The following RIT2 variants were observed in gnomAD, a reference collection of about 807,000 sequenced individuals.
RIT2 encodes GTP-binding protein Rit2.
A neutral mutation model predicts 23.7 loss-of-function variants in RIT2; 24 were observed. The ratio of observed to expected loss-of-function variants is 1.01; its 90% confidence interval spans 0.73 to 1.43. The LOEUF is 1.43. Among genes scored for constraint, RIT2 ranks in the 40% most tolerant of loss-of-function variants. RIT2 has a pLI of 0.00. For synonymous variants in RIT2, 107 were observed against 91.1 expected, an observed-to-expected ratio of 1.17 and a Z score of -0.99; for missense variants, 236 against 266.9, an observed-to-expected ratio of 0.88 and a Z score of 0.81.
chr18:42,935,368 T>C (rs936353363), intron 3 of RIT2, among the ~76,000 whole-genome samples: 1 of 152,108 alleles, frequency 6.6e-6, no homozygotes, highest in Non-Finnish European at 1.5e-5. Flanking sequence ...GAATCCCCTA[T>C]ATCACTCTAC....
intron 2 of RIT2, among the ~76,000 whole-genome samples, chr18:42,992,291 C>T (rs1373470262): frequency 6.6e-6 from 1 of 152,128 alleles, no homozygotes; most frequent in Non-Finnish European, 1.5e-5. Flanking sequence ...TCCCAAATAG[C>T]CAGAAAACAG....
chr18:42,806,566 G>T (rs1398927018), intron 4 of RIT2, among the ~76,000 whole-genome samples: 18 of 152,164 alleles, frequency 1.2e-4, no homozygotes, highest in African/African-American at 4.3e-4. Flanking sequence ...GCAACTTGTG[G>T]CACTGCGTTG....
chr18:42,803,234 GTTAAA>G (rs1332801567), intron 4 of RIT2, among the ~76,000 whole-genome samples: 1 of 152,022 alleles, frequency 6.6e-6, no homozygotes, highest in Non-Finnish European at 1.5e-5. Flanking sequence ...GGCTTCTTTT[GTTAAA>G]TTAAACTGAA....
intron 4 of RIT2, among the ~76,000 whole-genome samples, chr18:42,787,841 T>G (rs995167515): frequency 1.3e-5 from 2 of 152,108 alleles, no homozygotes; most frequent in African/African-American, 4.8e-5. Context: ...TTGAGAATTC[T>G]CTGGATCTTT....
At chr18:42,944,082 CT>C (rs1330784927) in intron 3 of RIT2, among the ~76,000 whole-genome samples, 1 of 152,132 alleles carries the variant, frequency 6.6e-6, no homozygotes, top group African/African-American at 2.4e-5. Context: ...CGTCACGTCC[CT>C]TCCCTACTTT....
chr18:42,868,134 A>G (rs1907522208), intron 4 of RIT2, among the ~76,000 whole-genome samples: 2 of 152,194 alleles, frequency 1.3e-5, no homozygotes, highest in Non-Finnish European at 2.9e-5. Flanking sequence ...CCACACGTGC[A>G]TATTTTTCCA....
At chr18:42,791,435 G>T (rs1034374505) in intron 4 of RIT2, among the ~76,000 whole-genome samples, 3 of 152,130 alleles carry the variant, frequency 2.0e-5, no homozygotes, top group Non-Finnish European at 4.4e-5. Flanking sequence ...TTATGCTAAT[G>T]AAATTATATT....
At chr18:43,032,947 A>G (rs1911891527) in intron 2 of RIT2, among the ~76,000 whole-genome samples, 1 of 152,106 alleles carries the variant, frequency 6.6e-6, no homozygotes, top group South Asian at 2.1e-4. Flanking sequence ...GGTGAGGATA[A>G]GATATATTCA....
At chr18:42,775,784 T>C (rs1913656003) in intron 4 of RIT2, among the ~76,000 whole-genome samples, 1 of 151,910 alleles carries the variant, frequency 6.6e-6, no homozygotes, top group Non-Finnish European at 1.5e-5. Context: ...ATATTCCTCA[T>C]ACCCATCTAT....
chr18:42,766,673 T>TG (rs1913429683), intron 4 of RIT2, among the ~76,000 whole-genome samples: 1 of 152,140 alleles, frequency 6.6e-6, no homozygotes, highest in Non-Finnish European at 1.5e-5. Context: ...CCCAAAACCA[T>TG]GGGGGAAAAT....
intron 4 of RIT2, among the ~76,000 whole-genome samples, chr18:42,840,721 G>A (rs564262325): frequency 2.0e-4 from 30 of 152,250 alleles, no homozygotes; most frequent in Non-Finnish European, 4.0e-4. Flanking sequence ...GGCTGGTCTC[G>A]AACTTTCAAC....
chr18:43,052,990 G>T (rs1187533147), intron 1 of RIT2, among the ~76,000 whole-genome samples: 1 of 151,930 alleles, frequency 6.6e-6, no homozygotes, highest in Admixed American at 6.6e-5. Context: ...GCCCAGAGAG[G>T]TTTGAAAACT....
intron 4 of RIT2, among the ~76,000 whole-genome samples, chr18:42,878,674 A>G (rs1907808918): frequency 6.6e-6 from 1 of 151,632 alleles, no homozygotes; most frequent in Non-Finnish European, 1.5e-5. Context: ...CTTATTCCCC[A>G]TTGGCAACAA....
intron 2 of RIT2, among the ~76,000 whole-genome samples, chr18:43,026,480 G>C (rs768691791): frequency 2.0e-5 from 3 of 151,456 alleles, no homozygotes; most frequent in Non-Finnish European, 2.9e-5. Flanking sequence ...CTTGAACCCG[G>C]GAGGCAGAGG....
chr18:42,956,999 G>T (rs1467819117), intron 3 of RIT2, among the ~76,000 whole-genome samples: 1 of 152,140 alleles, frequency 6.6e-6, no homozygotes, highest in Non-Finnish European at 1.5e-5. Flanking sequence ...AGACTGTTTG[G>T]TGTCTGGGCT....
intron 3 of RIT2, among the ~76,000 whole-genome samples, chr18:42,937,769 T>C (rs764201040): frequency 6.6e-6 from 1 of 152,130 alleles, no homozygotes; most frequent in African/African-American, 2.4e-5. Flanking sequence ...ACAACAGAGA[T>C]AAAATTCATT....
chr18:42,800,904 C>T (rs989442372), intron 4 of RIT2, among the ~76,000 whole-genome samples: 13 of 152,158 alleles, frequency 8.5e-5, no homozygotes, highest in South Asian at 2.1e-4. Flanking sequence ...TTACCTCTGA[C>T]TGTGTCCACA....
intron 3 of RIT2, among the ~76,000 whole-genome samples, chr18:42,970,874 A>T (rs1234031398): frequency 6.6e-6 from 1 of 151,928 alleles, no homozygotes; most frequent in Non-Finnish European, 1.5e-5. Flanking sequence ...CAAATAAAGC[A>T]TTATGCTTAT....
intron 3 of RIT2, among the ~76,000 whole-genome samples, chr18:42,925,617 TAACA>T (rs947516766): frequency 6.6e-6 from 1 of 151,918 alleles, no homozygotes; most frequent in African/African-American, 2.4e-5. Flanking sequence ...TTTTGAAAAT[TAACA>T]AATACAAATA....
Sources: allele counts gnomAD v4.1 joint callset (sites outside exome capture counted in the v4.1 genomes callset), GRCh38; gene constraint gnomAD v4.1.1; transcripts MANE v1.5; gene names NCBI Gene and HGNC (gene_info 2026-07-23, HGNC 2026-07-21).